DIP2B: variants seen among roughly 807,000 people sequenced by gnomAD.
The protein encoded by DIP2B is DIP2 acetate--CoA ligase B (putative).
A neutral mutation model predicts 198.0 loss-of-function variants in DIP2B; 76 were observed. That is an observed-to-expected ratio of 0.38 (90% CI 0.32 to 0.46). The LOEUF (loss-of-function observed/expected upper bound fraction) is 0.46, where lower values mean the gene tolerates loss of function less well. Among genes scored for constraint, DIP2B ranks in the 20% least tolerant of loss-of-function variants. The pLI is 0.99. For missense variants in DIP2B, 1,559 were observed against 1,978.4 expected, an observed-to-expected ratio of 0.79 and a Z score of 4.02; for synonymous variants, 701 against 739.1, an observed-to-expected ratio of 0.95 and a Z score of 0.84.
chr12:50,704,109 A>G, intron 19 of DIP2B, 31 bp from the exon 20 acceptor site: 1 of 1,591,498 alleles, frequency 6.3e-7, no homozygotes, highest in Non-Finnish European at 8.5e-7. Context: ...GAAAAAGCAA[A>G]GTTTTTCACT....
intron 2 of DIP2B, among the ~76,000 whole-genome samples, chr12:50,628,264 G>C (rs1937975410): frequency 6.6e-6 from 1 of 152,158 alleles, no homozygotes; most frequent in South Asian, 2.1e-4. Flanking sequence ...CCAGCTACTC[G>C]GGATGCTGAG....
At chr12:50,542,331 T>G (rs945301591) in intron 1 of DIP2B, among the ~76,000 whole-genome samples, 15 of 152,164 alleles carry the variant, frequency 9.9e-5, no homozygotes, top group Non-Finnish European at 2.9e-5. Context: ...GCATTTGTCT[T>G]GGAATTTATA....
At chr12:50,701,617 C>T (rs1217981541) in intron 19 of DIP2B, among the ~76,000 whole-genome samples, 1 of 152,050 alleles carries the variant, frequency 6.6e-6, no homozygotes, top group African/African-American at 2.4e-5. Context: ...CTCCTGACCT[C>T]AGGTGATCCA....
chr12:50,506,574 ATT>A (rs1957970320), intron 1 of DIP2B, among the ~76,000 whole-genome samples: 1 of 150,172 alleles, frequency 6.7e-6, no homozygotes, highest in African/African-American at 2.4e-5. Flanking sequence ...TTATTTTTCA[ATT>A]AATCCAATTT....
intron 1 of DIP2B, among the ~76,000 whole-genome samples, chr12:50,569,146 G>C (rs1958592473): frequency 6.7e-6 from 1 of 149,340 alleles, no homozygotes; most frequent in Non-Finnish European, 1.5e-5. Flanking sequence ...TGTTTTGATA[G>C]AATATAATTT....
chr12:50,655,162 A>G (rs1352725522), intron 3 of DIP2B: 2 of 297,676 alleles, frequency 6.7e-6, no homozygotes, highest in African/African-American at 4.3e-5. Context: ...TAAACTGTGT[A>G]CAGTAGTGTA....
chr12:50,610,363 G>T (rs1324797508), intron 1 of DIP2B, among the ~76,000 whole-genome samples: 1 of 152,050 alleles, frequency 6.6e-6, no homozygotes, highest in African/African-American at 2.4e-5. Flanking sequence ...TGAAATACAG[G>T]AAATATCTGC....
intron 14 of DIP2B, among the ~76,000 whole-genome samples, chr12:50,694,471 G>A (rs531231786): frequency 5.9e-5 from 9 of 151,716 alleles, no homozygotes; most frequent in Non-Finnish European, 1.2e-4. Flanking sequence ...CTCTAGCCTG[G>A]GCAACAGAGC....
chr12:50,639,573 C>T (rs1163722260), intron 2 of DIP2B, among the ~76,000 whole-genome samples: 1 of 151,802 alleles, frequency 6.6e-6, no homozygotes, highest in East Asian at 1.9e-4. Context: ...TTGTACTCCC[C>T]AGACCGCTGC....
At chr12:50,711,247 G>C (rs553457065) in intron 22 of DIP2B, among the ~76,000 whole-genome samples, 1 of 152,234 alleles carries the variant, frequency 6.6e-6, no homozygotes, top group South Asian at 2.1e-4. Context: ...AGTAAATGAC[G>C]CCATGTATTC....
chr12:50,578,504 C>CTTTT lies in DIP2B; in HGVS notation c.101-47454_101-47451dup, dbSNP rs62685162. On this transcript the variant is annotated intron_variant, in intron 1 of 37. Transcript: ENST00000301180. ...TAATGATATTAAGATGTTATTTGCT[C>CTTTT]TTTTTTTTTTTTTTTTTTTTTGAGA... Among the ~76,000 whole-genome samples, 118 of 111,610 alleles carry CTTTT rather than the reference C, an allele frequency of 1.1e-3. 1 individual carries two copies. The highest frequency in any genetic ancestry group is 1.1e-3 in the East Asian group (4 of 3,746). 73.2% of individuals were successfully genotyped at this position (111,610 alleles called of 152,430 possible). A position where few individuals can be genotyped will look rare whatever the true frequency, so the allele number is the denominator to read the frequency against.
chr12:50,727,240 C>T (rs1384578850), intron 28 of DIP2B, among the ~76,000 whole-genome samples: 2 of 152,196 alleles, frequency 1.3e-5, no homozygotes, highest in Admixed American at 1.3e-4. Flanking sequence ...ACCAGCATAA[C>T]AGCTAATGCT....
chr12:50,653,318 GTCTT>G (rs1205734437), intron 3 of DIP2B, among the ~76,000 whole-genome samples: 4 of 108,086 alleles, frequency 3.7e-5, no homozygotes, highest in Non-Finnish European at 8.3e-5. Context: ...ATTCATAGTA[GTCTT>G]TCTTTCTTTT....
chr12:50,607,012 C>T (rs565490505), intron 1 of DIP2B, among the ~76,000 whole-genome samples: 5 of 151,998 alleles, frequency 3.3e-5, no homozygotes, highest in Admixed American at 1.3e-4. Flanking sequence ...CTATGTTGCC[C>T]GCAGTGGTAG....
intron 28 of DIP2B, among the ~76,000 whole-genome samples, chr12:50,725,718 C>A (rs1278395858): frequency 6.6e-6 from 1 of 152,232 alleles, no homozygotes; most frequent in South Asian, 2.1e-4. Flanking sequence ...CTTACAATAA[C>A]CCTGTAAGTT....
intron 1 of DIP2B, among the ~76,000 whole-genome samples, chr12:50,590,323 C>G (rs897871957): frequency 6.6e-6 from 1 of 151,838 alleles, no homozygotes; most frequent in Non-Finnish European, 1.5e-5. Context: ...ATTTGTGGCC[C>G]CCACTGGAGA....
intron 1 of DIP2B, among the ~76,000 whole-genome samples, chr12:50,571,555 T>TG (rs1336228423): frequency 7.0e-6 from 1 of 143,602 alleles, no homozygotes; most frequent in African/African-American, 2.6e-5. Flanking sequence ...GGCGTTTTTT[T>TG]TTTTTTTTTT....
rs755001684 is a variant in DIP2B, at chr12:50,735,083, G to A, written c.4054G>A (p.Val1352Met). Residue 1352 changes from valine to methionine, a missense_variant, in exon 34 of 38, where the codon GTG (valine) becomes ATG (methionine). Physicochemically the swap from Val to Met is conservative, Grantham distance 21. Transcript: ENST00000301180. Reference protein sequence around the residue: ...KSLRHDRVRLVERGAPQSLLL... With the variant: ...KSLRHDRVRLMERGAPQSLLL... ...ACCGTTCTTCTGCAGGGTTCGTCTC[G>A]TGGAACGTGGCGCCCCTCAGAGTTT... 7.4e-6 allele frequency: 12 copies of A among 1,614,120 alleles called. No homozygotes were observed. Among genetic ancestry groups the A allele is most frequent in the Middle Eastern group, 3.3e-4 (2 of 6,062 alleles).
At chr12:50,690,087 AT>A (rs796347201) in intron 12 of DIP2B, among the ~76,000 whole-genome samples, 1,667 of 140,158 alleles carry the variant, frequency 0.012, 20 homozygotes, top group African/African-American at 0.036. Flanking sequence ...GGAACACTTA[AT>A]TTTTTTTTTT....
Sources: allele counts gnomAD v4.1 joint callset (sites outside exome capture counted in the v4.1 genomes callset), GRCh38; gene constraint gnomAD v4.1.1; transcripts MANE v1.5; gene names NCBI Gene and HGNC (gene_info 2026-07-23, HGNC 2026-07-21).